Variants in FBXW11 observed in about 807,000 individuals in gnomAD.
FBXW11 encodes F-box and WD repeat domain containing 11.
Under a neutral mutation model 77.6 loss-of-function variants are expected in FBXW11, and 19 were observed. That is an observed-to-expected ratio of 0.24 (90% CI 0.17 to 0.36). The LOEUF (loss-of-function observed/expected upper bound fraction) is 0.36. Among genes scored for constraint, FBXW11 ranks in the 10% least tolerant of loss-of-function variants. The probability of loss-of-function intolerance (pLI) is 1.00; values close to 1 mark genes in which losing one functional copy is unlikely to be tolerated. For missense variants in FBXW11, 334 were observed against 704.2 expected (o/e 0.47, Z 5.95); for synonymous variants, 235 against 249.4 (o/e 0.94, Z 0.54).
At chr5:171,929,808 C>T (rs981899309) in intron 2 of FBXW11, among the ~76,000 whole-genome samples, 2 of 152,134 alleles carry the variant, frequency 1.3e-5, no homozygotes, top group African/African-American at 4.8e-5. Context: ...GCCAAGATCG[C>T]ACCACTGCGC....
intron 9 of FBXW11, among the ~76,000 whole-genome samples, chr5:171,873,759 C>A (rs989287253): frequency 2.0e-5 from 3 of 152,188 alleles, no homozygotes; most frequent in Admixed American, 6.5e-5. Flanking sequence ...AATAAATAAT[C>A]CCCTCTTTTG....
intron 1 of FBXW11, among the ~76,000 whole-genome samples, chr5:171,958,326 T>C (rs960032628): frequency 6.6e-6 from 1 of 152,108 alleles, no homozygotes; most frequent in African/African-American, 2.4e-5. Context: ...ACCCCAACTT[T>C]TATCATGTGA....
In FBXW11 at chr5:172,005,017, T is replaced by C. The variant is rs117456274; in HGVS notation, c.45+1441A>G. On this transcript the variant is annotated intron_variant, in intron 1 of 13. Transcript: ENST00000517395. ...CATTAAGCTGCCTCCATATTTATGC[T>C]ACTGTACTTCCATTTTTAAAACAAG... Among the ~76,000 whole-genome samples, 61 of 152,288 alleles carry C rather than the reference T, an allele frequency of 4.0e-4. No homozygotes were observed. In the East Asian group the frequency reaches 9.3e-3, roughly 23 times the overall value.
intron 2 of FBXW11, among the ~76,000 whole-genome samples, chr5:171,920,048 T>C (rs1761496139): frequency 6.6e-6 from 1 of 151,996 alleles, no homozygotes; most frequent in Admixed American, 6.6e-5. Context: ...CTCAGCTACT[T>C]GCTACTTGGG....
At chr5:171,885,088 G>A (rs1176354948) in intron 7 of FBXW11, among the ~76,000 whole-genome samples, 1 of 152,172 alleles carries the variant, frequency 6.6e-6, no homozygotes, top group Non-Finnish European at 1.5e-5. Flanking sequence ...GGCTGGAGTT[G>A]TGTATTTCCC....
chr5:171,959,536 G>C (rs1267368784), intron 1 of FBXW11, among the ~76,000 whole-genome samples: 1 of 151,850 alleles, frequency 6.6e-6, no homozygotes, highest in Admixed American at 6.6e-5. Flanking sequence ...AAACAGAAAG[G>C]AGAGCCTGAT....
chr5:171,915,067 T>C (rs1761139950), intron 2 of FBXW11, among the ~76,000 whole-genome samples: 1 of 152,226 alleles, frequency 6.6e-6, no homozygotes, highest in Non-Finnish European at 1.5e-5. Context: ...AGTCGCTCAA[T>C]AGATGCCCAT....
In FBXW11 at chr5:171,910,773, T is replaced by G; in HGVS notation, c.235A>C (p.Ile79Leu). ...WQISNGTSSV[I>L]VSRKRPSEGN... The stretch of plus-strand genomic sequence containing the variant: ...TCTGATGGCCTCTTTCTGGAGACGA[T>G]CACAGATGATGTTCCATTACTTATC... Residue 79 changes from isoleucine to leucine, a missense_variant, in exon 4 of 14, where the codon ATC becomes CTC. By Grantham distance (5) the Ile-to-Leu change is conservative. Around this residue, in one of 10 missense-constraint regions of FBXW11, gnomAD observed 80 missense variants for 105.1 expected, o/e 0.76. Coordinates refer to ENST00000517395, the MANE Select transcript of FBXW11 (RefSeq NM_001378974.1). 6.2e-7 allele frequency: 1 copy of G among 1,608,164 alleles called. No homozygotes were observed. Among genetic ancestry groups the G allele is most frequent in the Non-Finnish European group, 8.5e-7 (1 of 1,177,710 alleles).
chr5:172,004,951 TAG>T (rs973557988), intron 1 of FBXW11, among the ~76,000 whole-genome samples: 9 of 152,062 alleles, frequency 5.9e-5, no homozygotes, highest in African/African-American at 2.2e-4. Flanking sequence ...TCAAGAATGC[TAG>T]AGAAGTCCAG....
Position 171,878,146 on chromosome 5 carries a change from A to G in FBXW11, c.853-17T>C. The G allele has an allele frequency of 6.5e-7, 1 of 1,538,014 alleles. No homozygotes were observed. The highest frequency in any genetic ancestry group is 9.0e-7 in the Non-Finnish European group (1 of 1,113,280). ...ATCCCATATCTATTGAGACAAGATT[A>G]GCCACAAACGATGATTAATTATACT... On this transcript the variant is annotated splice_polypyrimidine_tract_variant and intron_variant, in intron 7 of 13. Transcript: ENST00000517395.
At chr5:171,874,005 T>C (rs1300036009) in intron 9 of FBXW11, among the ~76,000 whole-genome samples, 2 of 152,122 alleles carry the variant, frequency 1.3e-5, no homozygotes, top group Non-Finnish European at 2.9e-5. Flanking sequence ...ACTATACAAG[T>C]CTTGATAAAT....
chr5:171,927,665 T>C (rs185853627), intron 2 of FBXW11, among the ~76,000 whole-genome samples: 1 of 152,352 alleles, frequency 6.6e-6, no homozygotes, highest in African/African-American at 2.4e-5. Flanking sequence ...CATGCACATC[T>C]TTCCACATCA....
chr5:171,938,474 T>C (rs1429162762), intron 2 of FBXW11, among the ~76,000 whole-genome samples: 2 of 152,220 alleles, frequency 1.3e-5, no homozygotes, highest in Non-Finnish European at 2.9e-5. Flanking sequence ...ACTTAACATA[T>C]TGGCAAATAT....
intron 2 of FBXW11, among the ~76,000 whole-genome samples, chr5:171,952,067 C>G (rs1168120173): frequency 6.6e-6 from 1 of 151,984 alleles, no homozygotes; most frequent in Non-Finnish European, 1.5e-5. Flanking sequence ...TAAGTGAGAT[C>G]GAAGTAGGAG....
intron 1 of FBXW11, among the ~76,000 whole-genome samples, chr5:172,002,298 T>C (rs1766454755): frequency 1.3e-5 from 2 of 152,224 alleles, no homozygotes; most frequent in Non-Finnish European, 1.5e-5. Flanking sequence ...GGAACATGTT[T>C]ATCCATGTCA....
rs536681618 is a variant in FBXW11, at chr5:171,967,146, T to A, written c.46-9448A>T. ...TCATCTATATTGCTGATTGATACAA[T>A]CTCTGGTATGCAACTCTGCAATACA... On this transcript the variant is annotated intron_variant, in intron 1 of 13. Transcript: ENST00000517395. Among the ~76,000 whole-genome samples, 19 of 152,344 alleles carry A rather than the reference T, an allele frequency of 1.2e-4. No homozygotes were observed. In the East Asian group the frequency reaches 2.3e-3, roughly 19 times the overall value.
At chr5:171,957,825 G>A in intron 1 of FBXW11, 127 bp from the exon 2 acceptor site, 1 of 752,126 alleles carries the variant, frequency 1.3e-6, no homozygotes, top group Middle Eastern at 3.5e-4. Context: ...GGAGGTTAGG[G>A]ATGGTCCCAG....
At chr5:171,972,151 G>A (rs1047232391) in intron 1 of FBXW11, among the ~76,000 whole-genome samples, 5 of 150,834 alleles carry the variant, frequency 3.3e-5, no homozygotes, top group Admixed American at 6.6e-5. Flanking sequence ...AAAATCACAT[G>A]AGCCTGGGAA....
intron 1 of FBXW11, among the ~76,000 whole-genome samples, chr5:171,979,485 CATT>C (rs1162391915): frequency 6.6e-6 from 1 of 151,978 alleles, no homozygotes; most frequent in Non-Finnish European, 1.5e-5. Flanking sequence ...TCTTATTTTA[CATT>C]ATATTTATTT....
Sources: allele counts gnomAD v4.1 joint callset (sites outside exome capture counted in the v4.1 genomes callset), GRCh38; gene constraint gnomAD v4.1.1; regional missense constraint gnomAD v4.1.1; transcripts MANE v1.5; gene names NCBI Gene and HGNC (gene_info 2026-07-23, HGNC 2026-07-21).